Variants in MCF2L observed in about 807,000 individuals in gnomAD.
MCF2L encodes guanine nucleotide exchange factor DBS.
In MCF2L, 97 loss-of-function variants were observed where a neutral mutation model predicts 153.4. The observed-to-expected ratio is 0.63, with a 90% CI of 0.54 to 0.75. The LOEUF is 0.75. Among genes scored for constraint, MCF2L ranks in the 30% least tolerant of loss-of-function variants. The pLI is 0.00. For synonymous variants in MCF2L, 659 were observed against 632.2 expected (o/e 1.04, Z -0.64); for missense variants, 1,347 against 1,495.2 (o/e 0.90, Z 1.64).
chr13:113,023,483 T>C (rs1333153788), intron 2 of MCF2L, among the ~76,000 whole-genome samples: 2 of 152,026 alleles, frequency 1.3e-5, no homozygotes, highest in Non-Finnish European at 2.9e-5. Context: ...AGACAGTGGC[T>C]GTGGGGGGCG....
rs1179914001 is a variant in MCF2L at position 113,096,994 on chromosome 13, G to A, written c.*135G>A. The stretch of plus-strand genomic sequence containing the variant: ...GCGCCTGGCCGTGCGGGCTGCAGAG[G>A]ACCCCTCCGGGGCAGAGGCAGGTTC... On this transcript the variant is annotated 3_prime_UTR_variant, in exon 30 of 30. Transcript: ENST00000535094. 3.8e-6 allele frequency: 2 copies of A among 531,980 alleles called. No individual in the cohort carries two copies. Among genetic ancestry groups the A allele is most frequent in the East Asian group, 4.1e-5 (1 of 24,492 alleles). 33.0% of individuals were successfully genotyped at this position (531,980 alleles called of 1,614,324 possible). A position where few individuals can be genotyped will look rare whatever the true frequency, so the allele number is the denominator to read the frequency against.
chr13:112,944,267 G>A (rs919710700), intron 2 of MCF2L, among the ~76,000 whole-genome samples: 1 of 152,084 alleles, frequency 6.6e-6, no homozygotes, highest in Non-Finnish European at 1.5e-5. Flanking sequence ...GAGGGTCCCG[G>A]GTGAAGAGCA....
chr13:112,985,601 C>T (rs2082606028), intron 1 of MCF2L: 3 of 364,086 alleles, frequency 8.2e-6, no homozygotes, highest in African/African-American at 4.2e-5. Context: ...ACAGGGCAGT[C>T]TGTGTCCCCT....
Position 113,045,129 on chromosome 13 carries a change from G to A in MCF2L, c.279-142G>A. The A allele has an allele frequency of 1.1e-6, 1 of 922,556 alleles. No individual in the cohort carries two copies. Among genetic ancestry groups the A allele is most frequent in the East Asian group, 2.6e-5 (1 of 38,916 alleles). The allele number at this position is 922,556 out of a possible 1,614,324, so 57.1% of individuals were successfully genotyped here. A position where few individuals can be genotyped will look rare whatever the true frequency, so the allele number is the denominator to read the frequency against. On this transcript the variant is annotated intron_variant, in intron 3 of 29. Coordinates refer to ENST00000535094, the MANE Select transcript of MCF2L (RefSeq NM_001112732.3). This position sits in a 1 kb window ranked among gnomAD's most constrained non-coding sequence, Gnocchi z 4.2. Reference sequence around the variant, plus strand: ...GGGATGGGGCTGCCGGGGCCCCCGTGTGCCATGCCTCTCACCTGGTATTGC... The same window carrying A: ...GGGATGGGGCTGCCGGGGCCCCCGTATGCCATGCCTCTCACCTGGTATTGC...
At chr13:113,061,750 C>G (rs2031489870) in intron 5 of MCF2L, among the ~76,000 whole-genome samples, 1 of 90,308 alleles carries the variant, frequency 1.1e-5, no homozygotes, top group Non-Finnish European at 2.3e-5. Flanking sequence ...TTCCCTTTCC[C>G]CTCCCTTCCC....
chr13:112,955,584 G>C (rs1416801584), intron 2 of MCF2L, among the ~76,000 whole-genome samples: 7 of 152,200 alleles, frequency 4.6e-5, no homozygotes, highest in African/African-American at 1.7e-4. Flanking sequence ...CAGAGAGATT[G>C]AGTAACTCCC....
chr13:112,939,602 C>G (rs982385044), intron 2 of MCF2L, among the ~76,000 whole-genome samples: 1 of 152,222 alleles, frequency 6.6e-6, no homozygotes, highest in Admixed American at 6.5e-5. Context: ...CTGATGCTAA[C>G]TCTGTACCTG....
intron 1 of MCF2L, among the ~76,000 whole-genome samples, chr13:113,000,614 T>C (rs897343261): frequency 2.6e-5 from 4 of 152,198 alleles, no homozygotes; most frequent in African/African-American, 9.6e-5. Context: ...GGCCACGCTT[T>C]CCTCTCCAGC....
Position 113,061,684 on chromosome 13 carries a change from T to TTCCCC in MCF2L, c.489+988_489+992dup, listed in dbSNP as rs1304513288. 3.6e-3 allele frequency among the ~76,000 whole-genome samples: 115 copies of TTCCCC among 32,104 alleles called. 1 individual carries two copies. The highest frequency in any genetic ancestry group is 0.012 in the African/African-American group (91 of 7,432). 21.1% of individuals were successfully genotyped at this position (32,104 alleles called of 152,430 possible). A position where few individuals can be genotyped will look rare whatever the true frequency, so the allele number is the denominator to read the frequency against. The stretch of plus-strand genomic sequence containing the variant: ...GGGCCTTTCCCCATGTACTGCCCCC[T>TTCCCC]TCCCCTCCCCTCCCCTCCCCCTTGC... On this transcript the variant is annotated intron_variant, in intron 5 of 29. Coordinates refer to ENST00000535094, the MANE Select transcript of MCF2L (RefSeq NM_001112732.3).
chr13:112,989,462 C>G lies in MCF2L; in HGVS notation c.79+20004C>G, dbSNP rs1347712476. 7.1e-4 allele frequency among the ~76,000 whole-genome samples: 15 copies of G among 20,996 alleles called. 3 individuals carry two copies. The highest frequency in any genetic ancestry group is 2.7e-3 in the South Asian group (1 of 366). 13.8% of individuals were successfully genotyped at this position (20,996 alleles called of 152,430 possible). A position where few individuals can be genotyped will look rare whatever the true frequency, so the allele number is the denominator to read the frequency against. On this transcript the variant is annotated intron_variant, in intron 1 of 29. Transcript: ENST00000535094. The stretch of plus-strand genomic sequence containing the variant: ...ACGCCCGAGTCCTCCCTGAGCAGGA[C>G]ATGGAGCCACCACGCCCGAGTCCTC...
At position 112,983,504 on chromosome 13, in the gene MCF2L, C is replaced by T. The variant is rs531186941; in HGVS notation, c.79+14046C>T. On this transcript the variant is annotated intron_variant, in intron 1 of 29. Transcript: ENST00000535094. This position sits in a 1 kb window ranked among gnomAD's most constrained non-coding sequence, Gnocchi z 4.0. The stretch of plus-strand genomic sequence containing the variant: ...CAAGCTCTGTAAATGCGGCACCCGA[C>T]GTCTGAGGCCCGCCACGCTGCAGGT... Among the ~76,000 whole-genome samples the T allele has an allele frequency of 2.2e-4, 33 of 152,318 alleles. No homozygotes were observed. Among genetic ancestry groups the T allele is most frequent in the African/African-American group, 4.8e-4 (20 of 41,564 alleles).
intron 2 of MCF2L, among the ~76,000 whole-genome samples, chr13:113,022,987 G>A (rs1014238379): frequency 2.0e-5 from 3 of 152,248 alleles, no homozygotes; most frequent in African/African-American, 7.2e-5. Context: ...CAGAGGTCAA[G>A]AGCCCTCGAG....
chr13:113,014,350 T>G (rs1442362868), intron 1 of MCF2L, among the ~76,000 whole-genome samples: 1 of 152,238 alleles, frequency 6.6e-6, no homozygotes, highest in Non-Finnish European at 1.5e-5. Flanking sequence ...TTACTGCACC[T>G]GCAACAGGTG....
In MCF2L at chr13:112,985,794, C is replaced by T. The variant is rs1007096254; in HGVS notation, c.79+16336C>T. Among the ~76,000 whole-genome samples the T allele has an allele frequency of 2.6e-5, 4 of 152,216 alleles. No individual in the cohort carries two copies. In the South Asian group the frequency reaches 6.2e-4, roughly 24 times the overall value. On this transcript the variant is annotated intron_variant, in intron 1 of 29. Transcript: ENST00000535094. ...GGGCTCAGCCTGCACCAGGCTGCCC[C>T]GCGTCTTGAGAGCTCTGATGTCCCG...
intron 2 of MCF2L, among the ~76,000 whole-genome samples, chr13:113,023,126 GC>G (rs1232500204): frequency 6.6e-6 from 1 of 152,244 alleles, no homozygotes; most frequent in Non-Finnish European, 1.5e-5. Context: ...GTGAAGGGGG[GC>G]CGTCACGGTG....
intron 26 of MCF2L, chr13:113,090,176 G>A: frequency 6.6e-7 from 1 of 1,522,636 alleles, no homozygotes; most frequent in Non-Finnish European, 8.9e-7. Flanking sequence ...AGTAGTGCCT[G>A]CCCCAAACCC....
chr13:112,978,685 T>C (rs1451439665), intron 1 of MCF2L, among the ~76,000 whole-genome samples: 1 of 152,216 alleles, frequency 6.6e-6, no homozygotes, highest in Non-Finnish European at 1.5e-5. Flanking sequence ...CTTCTTTTGC[T>C]GCAAACCAGA....
rs768955519 is a variant in MCF2L, at chr13:113,074,656, G to C, written c.1116+93G>C. On this transcript the variant is annotated intron_variant, in intron 10 of 29. Transcript: ENST00000535094. This position sits in a 1 kb window ranked among gnomAD's most constrained non-coding sequence, Gnocchi z 4.2. ...GCGCAGGAATGGGCCTCCCGCCTAC[G>C]GAGAACGGACCCCACAGCCCCCCGG... 230 of 1,550,770 alleles carry C rather than the reference G, an allele frequency of 1.5e-4. 1 individual carries two copies. Among genetic ancestry groups the C allele is most frequent in the Non-Finnish European group, 1.8e-4 (210 of 1,139,722 alleles).
chr13:112,939,461 C>T (rs1296577291), intron 2 of MCF2L, among the ~76,000 whole-genome samples: 3 of 152,214 alleles, frequency 2.0e-5, no homozygotes, highest in African/African-American at 4.8e-5. Context: ...AAAGTTGTCT[C>T]TTGGTTATCA....
Sources: gnomAD v4.1 joint callset for allele counts (sites outside exome capture counted in the v4.1 genomes callset) on GRCh38, gnomAD v4.1.1 for gene constraint, Gnocchi (gnomAD v3.1) non-coding constraint, MANE v1.5 for transcripts, NCBI Gene and HGNC (gene_info 2026-07-23, HGNC 2026-07-21) for gene names.